PCDH9: variants seen among roughly 807,000 people sequenced by gnomAD.
The protein encoded by PCDH9 is protocadherin-9.
PCDH9 carries 24 observed loss-of-function variants against 70.6 expected under a neutral mutation model. That is an observed-to-expected ratio of 0.34 (90% CI 0.25 to 0.48). PCDH9 has a LOEUF of 0.48. Among genes scored for constraint, PCDH9 ranks in the 20% least tolerant of loss-of-function variants. The pLI, the probability that PCDH9 is intolerant of heterozygous loss-of-function variation, is 0.99. For synonymous variants in PCDH9, 562 were observed against 558.5 expected (o/e 1.01, Z -0.09); for missense variants, 1,281 against 1,503.6 (o/e 0.85, Z 2.45).
intron 2 of PCDH9, among the ~76,000 whole-genome samples, chr13:66,994,754 G>T (rs1205490887): frequency 1.3e-5 from 2 of 151,932 alleles, no homozygotes; most frequent in African/African-American, 4.8e-5. Context: ...TCACTTCCTC[G>T]GTGCTTCAGT....
At chr13:66,575,041 C>T (rs919547557) in intron 4 of PCDH9, among the ~76,000 whole-genome samples, 14 of 152,050 alleles carry the variant, frequency 9.2e-5, no homozygotes, top group African/African-American at 3.4e-4. Context: ...GGCATGGTGG[C>T]ACATGCCTCT....
chr13:66,331,459 A>C (rs1255721215), intron 4 of PCDH9, among the ~76,000 whole-genome samples: 2 of 152,164 alleles, frequency 1.3e-5, no homozygotes, highest in Non-Finnish European at 2.9e-5. Flanking sequence ...CACTTGCTGA[A>C]ATTTCTCATT....
Position 66,507,698 on chromosome 13 carries a change from TTTTGTTTGTTTGTTTG to T in PCDH9, c.3340+123496_3340+123511del, listed in dbSNP as rs143044642. Among the ~76,000 whole-genome samples the T allele has an allele frequency of 7.3e-3, 1,098 of 149,552 alleles. 1 individual carries two copies. The highest frequency in any genetic ancestry group is 0.012 in the Non-Finnish European group (799 of 67,372). On this transcript the variant is annotated intron_variant, in intron 4 of 4. Transcript: ENST00000377865. Reference sequence around the variant, plus strand: ...ACCCCTACCTTGCATTTCCTTTCTTTTTTGTTTGTTTGTTTGTTTGTTTGTTTGTTTGTTTGTTTTT... The same window carrying T: ...ACCCCTACCTTGCATTTCCTTTCTTTTTTGTTTGTTTGTTTGTTTGTTTTT...
chr13:67,174,314 G>GATACATACATACATACATAC (rs75349589), intron 2 of PCDH9, among the ~76,000 whole-genome samples: 1 of 149,468 alleles, frequency 6.7e-6, no homozygotes, highest in Admixed American at 6.7e-5. Flanking sequence ...TAGATAGATA[G>GATACATACATACATACATAC]ATACATACAT....
intron 4 of PCDH9, among the ~76,000 whole-genome samples, chr13:66,318,233 A>G (rs988412671): frequency 2.6e-5 from 4 of 152,194 alleles, no homozygotes; most frequent in African/African-American, 9.6e-5. Flanking sequence ...TTGCATTTGA[A>G]TTTTATAACA....
intron 2 of PCDH9, among the ~76,000 whole-genome samples, chr13:67,050,775 T>G (rs915169870): frequency 3.3e-5 from 5 of 152,178 alleles, no homozygotes; most frequent in African/African-American, 1.2e-4. Flanking sequence ...CATGTCTGTC[T>G]GACAAGCAGG....
chr13:66,679,805 T>C (rs543430763), intron 3 of PCDH9, among the ~76,000 whole-genome samples: 1 of 151,990 alleles, frequency 6.6e-6, no homozygotes, highest in African/African-American at 2.4e-5. Context: ...TATATGCAAA[T>C]GCTTTTGAAA....
chr13:66,705,176 A>C (rs1179964340), intron 3 of PCDH9, among the ~76,000 whole-genome samples: 1 of 152,156 alleles, frequency 6.6e-6, no homozygotes, highest in Non-Finnish European at 1.5e-5. Flanking sequence ...TATTCCTGAA[A>C]ATAAATAAGA....
intron 3 of PCDH9, among the ~76,000 whole-genome samples, chr13:66,687,294 G>T (rs2078417959): frequency 6.6e-6 from 1 of 152,068 alleles, no homozygotes; most frequent in Non-Finnish European, 1.5e-5. Context: ...ATTTGAAAAA[G>T]TTAGGCAGTC....
chr13:67,189,171 T>C (rs552234870), intron 2 of PCDH9, among the ~76,000 whole-genome samples: 90 of 151,286 alleles, frequency 5.9e-4, no homozygotes, highest in Non-Finnish European at 9.9e-4. Flanking sequence ...CGTATATATA[T>C]ACACATATAC....
At chr13:66,636,432 T>A (rs1391638123) in intron 3 of PCDH9, among the ~76,000 whole-genome samples, 2 of 152,124 alleles carry the variant, frequency 1.3e-5, no homozygotes, top group African/African-American at 2.4e-5. Context: ...CAATTAAAGA[T>A]CCTTGCCTTC....
chr13:66,771,548 G>A (rs1296553162), intron 3 of PCDH9, among the ~76,000 whole-genome samples: 1 of 152,180 alleles, frequency 6.6e-6, no homozygotes, highest in Non-Finnish European at 1.5e-5. Flanking sequence ...AGGAGGACAA[G>A]TTTCCAAGTC....
intron 2 of PCDH9, among the ~76,000 whole-genome samples, chr13:67,118,871 C>A (rs2086827031): frequency 6.6e-6 from 1 of 152,146 alleles, no homozygotes; most frequent in Admixed American, 6.5e-5. Flanking sequence ...CCAGGGTCAG[C>A]ATCCAAATGT....
At chr13:66,414,667 T>G (rs1226081034) in intron 4 of PCDH9, among the ~76,000 whole-genome samples, 1 of 152,166 alleles carries the variant, frequency 6.6e-6, no homozygotes, top group African/African-American at 2.4e-5. Context: ...CTGCTGAAAA[T>G]GCGGAACATA....
intron 3 of PCDH9, among the ~76,000 whole-genome samples, chr13:66,696,293 C>T (rs1248636507): frequency 1.3e-5 from 2 of 152,130 alleles, no homozygotes; most frequent in Non-Finnish European, 2.9e-5. Context: ...ATTTATGTTA[C>T]ACCAACTCAA....
intron 2 of PCDH9, among the ~76,000 whole-genome samples, chr13:66,933,472 GTT>G (rs1339108500): frequency 1.3e-5 from 2 of 152,164 alleles, no homozygotes; most frequent in Non-Finnish European, 2.9e-5. Flanking sequence ...ATACAGCCAA[GTT>G]TGGCACCCAC....
chr13:66,715,766 A>G lies in PCDH9; in HGVS notation c.3139-84355T>C, dbSNP rs191436804. ...GACAAATAAATGCAACAATAACCAG[A>G]TAACAAAAACCAATAGATCAATATG... is the stretch of plus-strand genomic sequence containing the variant. On this transcript the variant is annotated intron_variant, in intron 3 of 4. Transcript: ENST00000377865. Among the ~76,000 whole-genome samples the G allele has an allele frequency of 1.7e-3, 258 of 152,348 alleles. 1 individual carries two copies. The highest frequency in any genetic ancestry group is 3.2e-3 in the Non-Finnish European group (221 of 68,020).
chr13:66,983,058 C>T (rs1219896714), intron 2 of PCDH9, among the ~76,000 whole-genome samples: 1 of 151,916 alleles, frequency 6.6e-6, no homozygotes, highest in Non-Finnish European at 1.5e-5. Flanking sequence ...TAGGGGAGTC[C>T]CACTCAGTGT....
At chr13:66,326,773 A>T (rs1050404575) in intron 4 of PCDH9, among the ~76,000 whole-genome samples, 12 of 152,142 alleles carry the variant, frequency 7.9e-5, no homozygotes, top group African/African-American at 2.7e-4. Flanking sequence ...AAGGCCAAAG[A>T]CATCTTGAAA....
Sources: gnomAD v4.1 joint callset for allele counts (sites outside exome capture counted in the v4.1 genomes callset) on GRCh38, gnomAD v4.1.1 for gene constraint, MANE v1.5 for transcripts, NCBI Gene and HGNC (gene_info 2026-07-23, HGNC 2026-07-21) for gene names.